Variants in MRTFB observed in about 807,000 individuals in gnomAD.
MRTFB encodes the protein myocardin-related transcription factor B.
A neutral mutation model predicts 104.2 loss-of-function variants in MRTFB; 29 were observed. The observed-to-expected ratio is 0.28, with a 90% CI of 0.21 to 0.38. The LOEUF is 0.38. Ranked by LOEUF, MRTFB falls within the 10% of genes least tolerant of loss-of-function variation. The probability of loss-of-function intolerance (pLI) is 1.00; values close to 1 mark genes in which losing one functional copy is unlikely to be tolerated. For synonymous variants in MRTFB, 535 were observed against 519.5 expected (o/e 1.03, Z -0.41); for missense variants, 1,270 against 1,341.6 (o/e 0.95, Z 0.83).
chr16:14,115,124 G>A lies in MRTFB; in HGVS notation c.-63-25420G>A, dbSNP rs145669154. 2.9e-3 allele frequency among the ~76,000 whole-genome samples: 446 copies of A among 152,262 alleles called. 2 individuals are homozygous for A. Among genetic ancestry groups the A allele is most frequent in the African/African-American group, 0.01 (427 of 41,538 alleles). On this transcript the variant is annotated intron_variant, in intron 2 of 16. Coordinates refer to ENST00000571589, the MANE Select transcript of MRTFB (RefSeq NM_001308142.2). The stretch of plus-strand genomic sequence containing the variant: ...GAAAAGTCCAGTGCTAACAGTTATT[G>A]GGAGGATGACCTCAAGTCCTTTTCA...
chr16:14,110,841 C>T (rs536045968), intron 2 of MRTFB, among the ~76,000 whole-genome samples: 109 of 152,272 alleles, frequency 7.2e-4, no homozygotes, highest in African/African-American at 2.3e-3. Context: ...CCCCTATTCC[C>T]AGCGTGAATC....
intron 3 of MRTFB, chr16:14,152,721 A>T (rs553485984): frequency 6.6e-6 from 1 of 152,278 alleles, no homozygotes; most frequent in Admixed American, 6.5e-5. Flanking sequence ...TGTGAGTGGC[A>T]TGTATGAAAT....
At chr16:14,145,889 T>TAGA (rs1160210458) in intron 3 of MRTFB, among the ~76,000 whole-genome samples, 2 of 152,144 alleles carry the variant, frequency 1.3e-5, no homozygotes, top group Non-Finnish European at 2.9e-5. Flanking sequence ...ACAAAGTGGG[T>TAGA]AGAAACAACA....
the MRTFB span, among the ~76,000 whole-genome samples, chr16:14,002,198 C>T: frequency 6.6e-6 from 1 of 152,094 alleles, no homozygotes; most frequent in African/African-American, 2.4e-5. Flanking sequence ...GCCTGGCCAA[C>T]ATGGTGAAAC....
the MRTFB span, among the ~76,000 whole-genome samples, chr16:14,030,296 T>A: frequency 3.9e-5 from 6 of 151,960 alleles, no homozygotes; most frequent in African/African-American, 1.2e-4. Flanking sequence ...AAAGCAGCCC[T>A]GTTCTGCTGA....
chr16:14,103,636 T>C (rs2035816809), intron 2 of MRTFB, among the ~76,000 whole-genome samples: 1 of 152,164 alleles, frequency 6.6e-6, no homozygotes, highest in African/African-American at 2.4e-5. Context: ...GTTATACACA[T>C]TGGCCAGTTT....
chr16:14,198,992 T>C (rs2151098530), intron 3 of MRTFB, among the ~76,000 whole-genome samples: 1 of 152,348 alleles, frequency 6.6e-6, no homozygotes, highest in Admixed American at 6.5e-5. Context: ...TCAATTATTT[T>C]CCAACTTCAA....
At chr16:14,225,697 C>G (rs1238844271) in intron 8 of MRTFB, among the ~76,000 whole-genome samples, 1 of 151,394 alleles carries the variant, frequency 6.6e-6, no homozygotes. Context: ...TTCATTCATG[C>G]CTGGCTAATT....
intron 3 of MRTFB, chr16:14,200,743 A>G (rs570921219): frequency 6.7e-7 from 1 of 1,495,642 alleles, no homozygotes; most frequent in African/African-American, 1.4e-5. Context: ...TTTGGTTGGG[A>G]CTTGTTGCCT....
intron 2 of MRTFB, among the ~76,000 whole-genome samples, chr16:14,124,947 G>A (rs1393130483): frequency 6.6e-6 from 1 of 151,958 alleles, no homozygotes; most frequent in Non-Finnish European, 1.5e-5. Context: ...GTTTTCCTTT[G>A]TGTTTTCTGC....
chr16:14,151,357 G>C (rs1012846095), intron 3 of MRTFB: 1 of 152,004 alleles, frequency 6.6e-6, no homozygotes, highest in African/African-American at 2.4e-5. Flanking sequence ...AGGCTATGTG[G>C]TTCATCTGAG....
chr16:14,125,913 C>G (rs2037084679), intron 2 of MRTFB, among the ~76,000 whole-genome samples: 1 of 152,196 alleles, frequency 6.6e-6, no homozygotes, highest in Admixed American at 6.5e-5. Flanking sequence ...GAGCTGCCCT[C>G]CCTTTCCTTA....
At chr16:14,039,551 T>C in the MRTFB span, among the ~76,000 whole-genome samples, 1 of 152,014 alleles carries the variant, frequency 6.6e-6, no homozygotes, top group East Asian at 1.9e-4. Context: ...TTTTTCTCAT[T>C]ACCTTATCTA....
intron 3 of MRTFB, among the ~76,000 whole-genome samples, chr16:14,161,200 C>T (rs2039024415): frequency 1.3e-5 from 2 of 148,980 alleles, no homozygotes; most frequent in South Asian, 4.2e-4. Context: ...AATAGCCATG[C>T]CATCATGAAG....
At chr16:14,178,539 C>T (rs1567418723) in intron 3 of MRTFB, among the ~76,000 whole-genome samples, 1 of 152,184 alleles carries the variant, frequency 6.6e-6, no homozygotes, top group East Asian at 1.9e-4. Context: ...AAATAGGACA[C>T]TCAGTCAGAT....
intron 2 of MRTFB, among the ~76,000 whole-genome samples, chr16:14,119,043 C>T (rs1240464576): frequency 2.6e-5 from 4 of 152,258 alleles, no homozygotes; most frequent in African/African-American, 7.2e-5. Flanking sequence ...GCATGTTTGA[C>T]AGCTTTTCTA....
At chr16:14,223,416 C>T (rs946698031) in intron 8 of MRTFB, among the ~76,000 whole-genome samples, 6 of 152,024 alleles carry the variant, frequency 3.9e-5, no homozygotes, top group African/African-American at 1.2e-4. Context: ...TGGACAAAGA[C>T]TTTAAAGTAA....
At chr16:14,078,445 C>T (rs72783438) in intron 1 of MRTFB, among the ~76,000 whole-genome samples, 2,580 of 152,006 alleles carry the variant, frequency 0.017, 35 homozygotes, top group Middle Eastern at 0.058. Flanking sequence ...TTTTTAGAGA[C>T]GGGGTCTCTC....
chr16:14,261,452 G>GAT lies in MRTFB; in HGVS notation c.*9_*10dup. 3 of 1,573,276 alleles carry GAT rather than the reference G, an allele frequency of 1.9e-6. No individual in the cohort carries two copies. The highest frequency in any genetic ancestry group is 2.6e-6 in the Non-Finnish European group (3 of 1,157,186). On this transcript the variant is annotated 3_prime_UTR_variant, in exon 17 of 17. Transcript: ENST00000571589. The stretch of plus-strand genomic sequence containing the variant: ...CCGCTGCCATGGGACTAACGTCACA[G>GAT]ATTTCTTTTCTGAGAGTTGATGAGG...
Sources: gnomAD v4.1 joint callset for allele counts (sites outside exome capture counted in the v4.1 genomes callset) on GRCh38, gnomAD v4.1.1 for gene constraint, MANE v1.5 for transcripts, NCBI Gene and HGNC (gene_info 2026-07-23, HGNC 2026-07-21) for gene names.